The following L3MBTL4 variants were observed in gnomAD, a reference collection of about 807,000 sequenced individuals.
The protein encoded by L3MBTL4 is lethal(3)malignant brain tumor-like protein 4.
L3MBTL4 carries 70 observed loss-of-function variants against 84.5 expected under a neutral mutation model. The observed-to-expected ratio is 0.83, with a 90% CI of 0.68 to 1.01. The LOEUF is 1.01. Among genes scored for constraint, L3MBTL4 ranks in the 50% least tolerant of loss-of-function variants. The pLI is 0.00. For missense variants in L3MBTL4, 715 were observed against 754.8 expected, an observed-to-expected ratio of 0.95 and a Z score of 0.62; for synonymous variants, 274 against 259.8, an observed-to-expected ratio of 1.05 and a Z score of -0.52.
intron 5 of L3MBTL4, among the ~76,000 whole-genome samples, chr18:6,261,388 T>C (rs141287107): frequency 3.9e-5 from 6 of 152,316 alleles, no homozygotes; most frequent in African/African-American, 9.6e-5. Context: ...ATGACAAATA[T>C]TAGAGTTCAA....
chr18:6,144,373 T>C (rs1734970934), intron 13 of L3MBTL4, among the ~76,000 whole-genome samples: 1 of 152,190 alleles, frequency 6.6e-6, no homozygotes, highest in Non-Finnish European at 1.5e-5. Context: ...TCAAGCAGCA[T>C]GAATAACTCC....
chr18:6,124,564 C>A (rs1206099529), intron 14 of L3MBTL4, among the ~76,000 whole-genome samples: 3 of 151,840 alleles, frequency 2.0e-5, no homozygotes, highest in Non-Finnish European at 4.4e-5. Flanking sequence ...TAGCAAGCAA[C>A]AGGACAGAGA....
At chr18:6,021,317 G>A (rs1479079825) in intron 16 of L3MBTL4, among the ~76,000 whole-genome samples, 1 of 152,220 alleles carries the variant, frequency 6.6e-6, no homozygotes, top group Non-Finnish European at 1.5e-5. Flanking sequence ...GCAGAGGATG[G>A]TGAAACTTTT....
At chr18:6,113,780 T>C (rs2059270370) in intron 14 of L3MBTL4, among the ~76,000 whole-genome samples, 1 of 152,234 alleles carries the variant, frequency 6.6e-6, no homozygotes, top group South Asian at 2.1e-4. Flanking sequence ...ATGGCTATAC[T>C]TACTTTTTCA....
intron 16 of L3MBTL4, among the ~76,000 whole-genome samples, chr18:6,071,892 T>C (rs755717071): frequency 1.3e-5 from 2 of 151,402 alleles, no homozygotes; most frequent in Non-Finnish European, 3.0e-5. Context: ...GGAAGAAAGA[T>C]TGTTATTAGA....
chr18:6,200,763 A>G (rs2045615542), intron 12 of L3MBTL4, among the ~76,000 whole-genome samples: 1 of 152,230 alleles, frequency 6.6e-6, no homozygotes, highest in African/African-American at 2.4e-5. Context: ...AAGTAAGCAT[A>G]TTGCTTCTTA....
At chr18:6,349,697 G>C (rs1401373060) in intron 1 of L3MBTL4, among the ~76,000 whole-genome samples, 1 of 152,010 alleles carries the variant, frequency 6.6e-6, no homozygotes, top group Non-Finnish European at 1.5e-5. Flanking sequence ...TCCAACCTGG[G>C]TGACAGAATG....
intron 10 of L3MBTL4, among the ~76,000 whole-genome samples, chr18:6,234,758 G>A (rs2047146332): frequency 6.6e-6 from 1 of 152,172 alleles, no homozygotes; most frequent in African/African-American, 2.4e-5. Context: ...AGACAGTGTG[G>A]CGATTCCTCA....
At chr18:6,270,125 C>G (rs912365275) in intron 4 of L3MBTL4, among the ~76,000 whole-genome samples, 1 of 152,048 alleles carries the variant, frequency 6.6e-6, no homozygotes, top group Non-Finnish European at 1.5e-5. Flanking sequence ...TTATAAATAG[C>G]GCCTTCTTTT....
chr18:6,197,524 T>C (rs901535105), intron 12 of L3MBTL4, among the ~76,000 whole-genome samples: 2 of 152,194 alleles, frequency 1.3e-5, no homozygotes, highest in Non-Finnish European at 2.9e-5. Context: ...TGATGGGCAT[T>C]TGGGTTGATT....
chr18:6,285,177 T>A (rs777474467), intron 4 of L3MBTL4, among the ~76,000 whole-genome samples: 1 of 152,008 alleles, frequency 6.6e-6, no homozygotes, highest in Non-Finnish European at 1.5e-5. Context: ...GAAGATGACA[T>A]CCACAGGGAG....
At chr18:6,372,157 G>A (rs2054183581) in intron 1 of L3MBTL4, among the ~76,000 whole-genome samples, 1 of 152,144 alleles carries the variant, frequency 6.6e-6, no homozygotes, top group African/African-American at 2.4e-5. Context: ...CCCTCTCTCA[G>A]CCCCTGGGAA....
chr18:6,297,991 C>A (rs1283691645), intron 4 of L3MBTL4, among the ~76,000 whole-genome samples: 1 of 152,108 alleles, frequency 6.6e-6, no homozygotes, highest in East Asian at 1.9e-4. Context: ...CAAATAGTAC[C>A]ACAATGACTA....
At chr18:6,016,725 A>G (rs965351544) in intron 16 of L3MBTL4, among the ~76,000 whole-genome samples, 1 of 152,248 alleles carries the variant, frequency 6.6e-6, no homozygotes, top group East Asian at 1.9e-4. Flanking sequence ...TAAGTCTACA[A>G]AACCTATGAT....
intron 16 of L3MBTL4, among the ~76,000 whole-genome samples, chr18:6,015,148 AG>A (rs758614816): frequency 6.6e-6 from 1 of 152,170 alleles, no homozygotes; most frequent in South Asian, 2.1e-4. Context: ...CTGAAGACAC[AG>A]GTAGATTTCA....
At chr18:6,005,047 G>A (rs950426081) in intron 16 of L3MBTL4, among the ~76,000 whole-genome samples, 12 of 117,026 alleles carry the variant, frequency 1.0e-4, no homozygotes, top group African/African-American at 1.7e-4. Context: ...TCAGGAGTAC[G>A]TGTGTGGGTT....
intron 16 of L3MBTL4, among the ~76,000 whole-genome samples, chr18:6,049,675 T>C (rs983689071): frequency 3.3e-5 from 5 of 152,118 alleles, no homozygotes; most frequent in African/African-American, 9.7e-5. Flanking sequence ...CACGTACTCA[T>C]GGACATAAAG....
chr18:6,143,054 C>A (rs1028011046), intron 13 of L3MBTL4, among the ~76,000 whole-genome samples: 2 of 152,020 alleles, frequency 1.3e-5, no homozygotes, highest in East Asian at 3.9e-4. Flanking sequence ...AATATTAAAC[C>A]CACAAATTAA....
chr18:6,248,410 C>A (rs1246400789), intron 5 of L3MBTL4, among the ~76,000 whole-genome samples: 1 of 152,186 alleles, frequency 6.6e-6, no homozygotes, highest in Non-Finnish European at 1.5e-5. Context: ...ATTTGAAATA[C>A]AATTGAGTTC....
Sources: gnomAD v4.1 joint callset for allele counts (sites outside exome capture counted in the v4.1 genomes callset) on GRCh38, gnomAD v4.1.1 for gene constraint, MANE v1.5 for transcripts, NCBI Gene and HGNC (gene_info 2026-07-23, HGNC 2026-07-21) for gene names.